Variants in ATOSA observed in about 807,000 individuals in gnomAD.
ATOSA encodes the protein atos homolog protein A.
At chr15:52,628,754 T>G in the ATOSA span, among the ~76,000 whole-genome samples, 5 of 152,002 alleles carry the variant, frequency 3.3e-5, no homozygotes, top group African/African-American at 9.7e-5. Context: ...TTATGTATCT[T>G]CCATTAAAAT....
the ATOSA span, among the ~76,000 whole-genome samples, chr15:52,644,087 CTTTTT>C: frequency 9.9e-5 from 14 of 141,936 alleles, no homozygotes; most frequent in Admixed American, 2.8e-4. Flanking sequence ...TTGTGAAAGG[CTTTTT>C]TTTTTTTAAT....
the ATOSA span, among the ~76,000 whole-genome samples, chr15:52,646,184 G>C: frequency 5.3e-5 from 8 of 152,194 alleles, no homozygotes; most frequent in African/African-American, 1.9e-4. Flanking sequence ...CACTGAATGC[G>C]TCTATGTGTG....
chr15:52,677,416 AT>A, the ATOSA span, among the ~76,000 whole-genome samples: 1 of 152,212 alleles, frequency 6.6e-6, no homozygotes, highest in East Asian at 1.9e-4. Flanking sequence ...TATTATTCTT[AT>A]AAATCCTGAA....
the ATOSA span, among the ~76,000 whole-genome samples, chr15:52,660,059 AT>A: frequency 6.6e-6 from 1 of 152,206 alleles, no homozygotes; most frequent in Non-Finnish European, 1.5e-5. Context: ...AATATGTTAA[AT>A]TTTTTAAGCG....
the ATOSA span, among the ~76,000 whole-genome samples, chr15:52,647,673 C>T: frequency 6.6e-6 from 1 of 151,974 alleles, no homozygotes; most frequent in African/African-American, 2.4e-5. Context: ...CAACTCTAGT[C>T]AATCAGCTCA....
At chr15:52,604,197 G>A in the ATOSA span, among the ~76,000 whole-genome samples, 5 of 152,302 alleles carry the variant, frequency 3.3e-5, no homozygotes, top group South Asian at 2.1e-4. Context: ...GGAGGCGGGC[G>A]GATCACGAGG....
At chr15:52,633,631 C>T in the ATOSA span, among the ~76,000 whole-genome samples, 1 of 152,022 alleles carries the variant, frequency 6.6e-6, no homozygotes, top group Non-Finnish European at 1.5e-5. Context: ...AAAAAAATCC[C>T]ATCAATTAGA....
At chr15:52,609,229 T>C in the ATOSA span, 12 of 1,611,774 alleles carry the variant, frequency 7.4e-6, no homozygotes, top group East Asian at 2.2e-5. Context: ...AAAACATTTA[T>C]TAGGTACTAA....
the ATOSA span, among the ~76,000 whole-genome samples, chr15:52,603,253 A>C: frequency 6.6e-6 from 1 of 152,196 alleles, no homozygotes; most frequent in East Asian, 1.9e-4. Context: ...TAATCAGAGA[A>C]ATGCAAATTA....
At chr15:52,684,856 C>T in the ATOSA span, among the ~76,000 whole-genome samples, 1 of 152,260 alleles carries the variant, frequency 6.6e-6, no homozygotes, top group African/African-American at 2.4e-5. Context: ...GGATTACAGG[C>T]ATGAGCCACC....
At chr15:52,593,590 G>A in the ATOSA span, 1 of 1,569,942 alleles carries the variant, frequency 6.4e-7, no homozygotes, top group Non-Finnish European at 8.6e-7. Context: ...TATAAGGAGA[G>A]GGAGCATTGT....
At chr15:52,619,833 AAAAG>A in the ATOSA span, among the ~76,000 whole-genome samples, 31 of 29,946 alleles carry the variant, frequency 1.0e-3, no homozygotes, top group South Asian at 0.013. Flanking sequence ...TCTTAAAAAA[AAAAG>A]AAAAGAAAAG....
chr15:52,584,882 A>G, the ATOSA span: 2 of 1,613,384 alleles, frequency 1.2e-6, no homozygotes, highest in Non-Finnish European at 8.5e-7. Context: ...TGGCTGGCAT[A>G]TCTCGTAAAT....
At chr15:52,609,514 G>T in the ATOSA span, 3 of 1,613,820 alleles carry the variant, frequency 1.9e-6, no homozygotes, top group East Asian at 6.7e-5. Context: ...CTCTCCAACA[G>T]GCATATGAGA....
chr15:52,605,268 G>T, the ATOSA span: 2 of 1,509,488 alleles, frequency 1.3e-6, no homozygotes, highest in African/African-American at 1.4e-5. Flanking sequence ...ATAATTAGAT[G>T]TTAATTGTAA....
the ATOSA span, among the ~76,000 whole-genome samples, chr15:52,626,115 C>T: frequency 6.6e-6 from 1 of 152,218 alleles, no homozygotes; most frequent in East Asian, 1.9e-4. Context: ...ATACATCTTT[C>T]CCCATTAGGA....
the ATOSA span, among the ~76,000 whole-genome samples, chr15:52,672,162 C>A: frequency 1.5e-4 from 9 of 59,512 alleles, no homozygotes; most frequent in Non-Finnish European, 3.4e-4. Context: ...CATAGTGAGA[C>A]CCCATTTCTC....
the ATOSA span, among the ~76,000 whole-genome samples, chr15:52,583,070 G>A: frequency 2.0e-5 from 3 of 152,304 alleles, no homozygotes; most frequent in African/African-American, 7.2e-5. Context: ...TTACAGCTCT[G>A]TATGTTAAAA....
chr15:52,649,461 G>A, the ATOSA span: 1 of 152,040 alleles, frequency 6.6e-6, no homozygotes, highest in Non-Finnish European at 1.5e-5. Context: ...TTAAAGAACT[G>A]TAAACAGCAT....
Sources: gnomAD v4.1 joint callset for allele counts (sites outside exome capture counted in the v4.1 genomes callset) on GRCh38, gnomAD v4.1.1 for gene constraint, MANE v1.5 for transcripts, NCBI Gene and HGNC (gene_info 2026-07-23, HGNC 2026-07-21) for gene names.